The following GMDS variants were observed in gnomAD, a reference collection of about 807,000 sequenced individuals.
GMDS encodes GDP-mannose 4,6-dehydratase, also known as GDP-mannose 4,6 dehydratase.
GMDS carries 20 observed loss-of-function variants against 49.9 expected under a neutral mutation model. The observed-to-expected ratio is 0.40, with a 90% confidence interval of 0.28 to 0.58. The LOEUF (loss-of-function observed/expected upper bound fraction) is 0.58. GMDS is among the 20% of genes least tolerant of loss of function. The pLI is 0.42. For synonymous variants in GMDS, 177 were observed against 178.6 expected, an observed-to-expected ratio of 0.99 and a Z score of 0.07; for missense variants, 362 against 481.4, an observed-to-expected ratio of 0.75 and a Z score of 2.32.
At position 1,971,046 on chromosome 6, in the gene GMDS, T is replaced by C. The variant is rs1581441041; in HGVS notation, c.346-10080A>G. 2.0e-5 allele frequency among the ~76,000 whole-genome samples: 3 copies of C among 151,802 alleles called. No individual in the cohort carries two copies. The Middle Eastern group carries it at 0.01, about 516-fold the overall frequency. On this transcript the variant is annotated intron_variant, in intron 4 of 10. Transcript: ENST00000380815. ...TTGGAAAGGTGAGGATGAGACATTC[T>C]AAAGGGGGCAGTGATCATCAGCATG...
intron 1 of GMDS, among the ~76,000 whole-genome samples, chr6:2,230,747 A>G (rs1454113480): frequency 6.6e-6 from 1 of 152,136 alleles, no homozygotes; most frequent in Non-Finnish European, 1.5e-5. Flanking sequence ...CCAAAAGGAA[A>G]AAAAAAGGGA....
At chr6:1,864,806 C>G (rs1019839292) in intron 7 of GMDS, among the ~76,000 whole-genome samples, 9 of 152,178 alleles carry the variant, frequency 5.9e-5, no homozygotes, top group African/African-American at 2.2e-4. Flanking sequence ...GCAGCAAACA[C>G]CCGACAAGGC....
At chr6:2,076,865 T>C (rs1039840901) in intron 4 of GMDS, among the ~76,000 whole-genome samples, 2 of 152,164 alleles carry the variant, frequency 1.3e-5, no homozygotes, top group Non-Finnish European at 1.5e-5. Context: ...GGACTTCATG[T>C]CTAAAACACC....
intron 4 of GMDS, among the ~76,000 whole-genome samples, chr6:2,042,708 G>C (rs756775651): frequency 1.3e-5 from 2 of 152,136 alleles, no homozygotes; most frequent in Non-Finnish European, 2.9e-5. Context: ...AACCTATCTT[G>C]AGAAGTGCTC....
At chr6:1,750,447 G>T (rs79941045) in intron 7 of GMDS, among the ~76,000 whole-genome samples, 6,574 of 152,178 alleles carry the variant, frequency 0.043, 450 homozygotes, top group African/African-American at 0.15. Flanking sequence ...CCGAAGCAGG[G>T]TGGGGCATTC....
intron 1 of GMDS, among the ~76,000 whole-genome samples, chr6:2,239,687 AC>A (rs1408518334): frequency 2.0e-5 from 3 of 149,088 alleles, no homozygotes; most frequent in African/African-American, 7.4e-5. Context: ...ATAATGCCAG[AC>A]CTTTTTTTTT....
chr6:1,872,212 G>A (rs1054323385), intron 7 of GMDS, among the ~76,000 whole-genome samples: 9 of 152,340 alleles, frequency 5.9e-5, no homozygotes, highest in South Asian at 4.1e-4. Flanking sequence ...TAGCTGGGCC[G>A]AGCACATCCA....
chr6:1,869,303 G>A (rs542714910), intron 7 of GMDS, among the ~76,000 whole-genome samples: 37 of 152,126 alleles, frequency 2.4e-4, no homozygotes, highest in East Asian at 1.9e-4. Context: ...TTTTAATAGC[G>A]TTCCTAAATA....
chr6:1,999,942 AAT>A (rs1766576146), intron 4 of GMDS, among the ~76,000 whole-genome samples: 1 of 52,394 alleles, frequency 1.9e-5, no homozygotes, highest in Non-Finnish European at 3.6e-5. Context: ...TATTATATAT[AAT>A]ATATAATATG....
At chr6:1,781,662 G>C (rs1769091576) in intron 7 of GMDS, among the ~76,000 whole-genome samples, 1 of 152,192 alleles carries the variant, frequency 6.6e-6, no homozygotes, top group Non-Finnish European at 1.5e-5. Context: ...TGAATTGTCA[G>C]CCGGGAGAAT....
intron 4 of GMDS, among the ~76,000 whole-genome samples, chr6:2,079,118 G>C (rs74862512): frequency 7.4e-6 from 1 of 135,224 alleles, no homozygotes; most frequent in African/African-American, 2.7e-5. Flanking sequence ...GTTTCTGTTC[G>C]TGTGGAGTAA....
chr6:2,244,047 T>G (rs1018126603), intron 1 of GMDS, among the ~76,000 whole-genome samples: 7 of 151,824 alleles, frequency 4.6e-5, no homozygotes, highest in African/African-American at 1.7e-4. Flanking sequence ...AATTTTTTTG[T>G]AGAGACAACG....
At chr6:2,038,156 C>T (rs1769415989) in intron 4 of GMDS, among the ~76,000 whole-genome samples, 1 of 152,142 alleles carries the variant, frequency 6.6e-6, no homozygotes, top group African/African-American at 2.4e-5. Flanking sequence ...AGATCGCCCC[C>T]CTTTGCCATC....
chr6:1,922,334 G>A (rs1042599273), intron 7 of GMDS, among the ~76,000 whole-genome samples: 5 of 152,074 alleles, frequency 3.3e-5, no homozygotes, highest in African/African-American at 1.2e-4. Context: ...ATGGATTCAG[G>A]CACCACTAAC....
chr6:2,204,446 A>T (rs891174545), intron 1 of GMDS, among the ~76,000 whole-genome samples: 1 of 152,204 alleles, frequency 6.6e-6, no homozygotes, highest in Non-Finnish European at 1.5e-5. Context: ...TCATGTGCCA[A>T]ATGCTGCTTT....
At chr6:1,942,884 G>A (rs1007496362) in intron 6 of GMDS, among the ~76,000 whole-genome samples, 2 of 152,196 alleles carry the variant, frequency 1.3e-5, no homozygotes, top group African/African-American at 2.4e-5. Context: ...CAAACTCAGC[G>A]AATAATTCCA....
intron 9 of GMDS, among the ~76,000 whole-genome samples, chr6:1,692,166 G>C (rs1431953891): frequency 6.6e-6 from 1 of 152,206 alleles, no homozygotes; most frequent in Non-Finnish European, 1.5e-5. Context: ...TGAACTCTTG[G>C]ACTTATACTA....
At chr6:1,785,809 T>C (rs1161583398) in intron 7 of GMDS, among the ~76,000 whole-genome samples, 1 of 152,244 alleles carries the variant, frequency 6.6e-6, no homozygotes, top group Non-Finnish European at 1.5e-5. Flanking sequence ...AGTGGCTTGG[T>C]AGAGCTCATC....
rs1050970739 is a variant in GMDS at position 1,939,350 on chromosome 6, GT to G, written c.644-9121del. ...CTTCCTCCTGAGACAGTCACTGTTT[GT>G]TTCTCCTGGGGGCCAGGAGATACTA... On this transcript the variant is annotated intron_variant, in intron 6 of 10. Transcript: ENST00000380815. 1.6e-4 allele frequency among the ~76,000 whole-genome samples: 25 copies of G among 151,940 alleles called. 1 individual carries two copies. The highest frequency in any genetic ancestry group is 6.0e-4 in the African/African-American group (25 of 41,440).
Sources: allele counts gnomAD v4.1 joint callset (sites outside exome capture counted in the v4.1 genomes callset), GRCh38; gene constraint gnomAD v4.1.1; transcripts MANE v1.5; gene names NCBI Gene and HGNC (gene_info 2026-07-23, HGNC 2026-07-21).